Variants in TMED3 observed in about 807,000 individuals in gnomAD.
TMED3 encodes the protein transmembrane emp24 domain-containing protein 3.
A neutral mutation model predicts 15.0 loss-of-function variants in TMED3; 9 were observed. The ratio of observed to expected loss-of-function variants is 0.60; its 90% CI spans 0.36 to 1.04. TMED3 has a LOEUF of 1.04. Ranked by LOEUF, TMED3 falls within the 50% of genes least tolerant of loss-of-function variation. The pLI is 0.01. For missense variants in TMED3, 267 were observed against 278.9 expected, an observed-to-expected ratio of 0.96 and a Z score of 0.30; for synonymous variants, 117 against 121.4, an observed-to-expected ratio of 0.96 and a Z score of 0.24.
At chr15:79,377,047 G>C (rs1199399766) in intron 2 of TMED3, among the ~76,000 whole-genome samples, 1 of 152,204 alleles carries the variant, frequency 6.6e-6, no homozygotes, top group Non-Finnish European at 1.5e-5. Context: ...GGAAGAACTA[G>C]AGGGATACCA....
At chr15:79,370,256 ATTTTT>A (rs398028085) in intron 2 of TMED3, among the ~76,000 whole-genome samples, 2 of 104,950 alleles carry the variant, frequency 1.9e-5, no homozygotes, top group Non-Finnish European at 3.6e-5. Flanking sequence ...TGCCCAGCTA[ATTTTT>A]TTTTTTTTTT....
chr15:79,376,176 C>G (rs1010888278), intron 2 of TMED3, among the ~76,000 whole-genome samples: 15 of 146,310 alleles, frequency 1.0e-4, no homozygotes, highest in Non-Finnish European at 1.5e-4. Flanking sequence ...GTGGCGCGAT[C>G]TCGGCTCACT....
intron 2 of TMED3, among the ~76,000 whole-genome samples, chr15:79,341,754 G>A (rs547583796): frequency 6.6e-6 from 1 of 152,350 alleles, no homozygotes; most frequent in African/African-American, 2.4e-5. Context: ...CAAAAGGAAG[G>A]ACCGCATGAT....
At chr15:79,412,975 T>A (rs1388868254) in exon 3 of TMED3, 1 of 152,112 alleles carries the variant, frequency 6.6e-6, no homozygotes, top group Admixed American at 6.5e-5. Flanking sequence ...TCCCTGAAAT[T>A]TTCCAGAAAT....
chr15:79,338,167 G>T (rs1047653040), intron 2 of TMED3, among the ~76,000 whole-genome samples: 1 of 152,234 alleles, frequency 6.6e-6, no homozygotes, highest in African/African-American at 2.4e-5. Context: ...AACACAGATT[G>T]TAAAGAAAAG....
chr15:79,319,736 T>C (rs2058756407), intron 2 of TMED3, among the ~76,000 whole-genome samples: 1 of 152,090 alleles, frequency 6.6e-6, no homozygotes, highest in Non-Finnish European at 1.5e-5. Context: ...CTCCAATGAT[T>C]GGTAAGGTCA....
rs567525388 is a variant in TMED3 at position 79,311,552 on chromosome 15, G to A, written c.168+135G>A. The A allele has an allele frequency of 6.8e-5, 74 of 1,095,628 alleles. 2 individuals carry two copies. The South Asian group carries it at 1.2e-3, about 18-fold the overall frequency. 67.9% of individuals were successfully genotyped at this position (1,095,628 alleles called of 1,614,324 possible). ...AGGCTGCATGGGGTGGGAGTCCCCG[G>A]AGACCAGTTGACTTCCCCGTGAGGA... is the stretch of plus-strand genomic sequence containing the variant. On this transcript the variant is annotated intron_variant, in intron 1 of 2. Coordinates refer to ENST00000299705, the MANE Select transcript of TMED3 (RefSeq NM_007364.4).
At chr15:79,361,248 G>C (rs1368006057) in intron 2 of TMED3, among the ~76,000 whole-genome samples, 1 of 152,156 alleles carries the variant, frequency 6.6e-6, no homozygotes, top group African/African-American at 2.4e-5. Context: ...AGAAGACTTA[G>C]GTTTCGGTAG....
chr15:79,394,463 G>C (rs1893738041), intron 2 of TMED3, among the ~76,000 whole-genome samples: 1 of 152,208 alleles, frequency 6.6e-6, no homozygotes, highest in African/African-American at 2.4e-5. Context: ...GGGGAGGGAA[G>C]TTTGCAAACA....
chr15:79,405,026 A>G (rs911134492), intron 2 of TMED3, among the ~76,000 whole-genome samples: 2 of 152,202 alleles, frequency 1.3e-5, no homozygotes, highest in Non-Finnish European at 2.9e-5. Context: ...TGGGCTTCCC[A>G]TGGAGGCCAC....
At chr15:79,406,371 G>C (rs1475349801) in intron 2 of TMED3, among the ~76,000 whole-genome samples, 1 of 152,204 alleles carries the variant, frequency 6.6e-6, no homozygotes, top group Non-Finnish European at 1.5e-5. Context: ...AATAACTAGA[G>C]GGTAGGTCTG....
In TMED3 at chr15:79,311,394, G is replaced by T. The variant is rs776961259; in HGVS notation, c.145G>T (p.Val49Leu). The change falls in exon 1 of 3, where the codon GTG (valine) becomes TTG (leucine). Residue 49 changes from valine (V) to leucine (L), a missense_variant. Val to Leu is a conservative substitution (Grantham distance 32). Transcript: ENST00000299705. ...CTTCCACGAGGAGGTGGAGCAGGGC[G>T]TGAAGTTCTCCCTGGATTACCAGGT... ...QCFHEEVEQG[V>L]KFSLDYQVIT... 9.3e-6 allele frequency: 15 copies of T among 1,611,344 alleles called. No homozygotes were observed. In the East Asian group the frequency reaches 2.0e-4, roughly 22 times the overall value.
intron 2 of TMED3, among the ~76,000 whole-genome samples, chr15:79,396,075 TC>T (rs1421494138): frequency 7.2e-5 from 11 of 152,228 alleles, no homozygotes; most frequent in South Asian, 4.1e-4. Flanking sequence ...ATGTTTAACA[TC>T]TTTTTTATTG....
At chr15:79,380,598 T>TAGAG (rs1255745376) in intron 2 of TMED3, among the ~76,000 whole-genome samples, 483 of 146,326 alleles carry the variant, frequency 3.3e-3, no homozygotes, top group African/African-American at 0.012. Flanking sequence ...TATATATATA[T>TAGAG]ATAGAGAGAG....
intron 2 of TMED3, among the ~76,000 whole-genome samples, chr15:79,330,014 G>C (rs6495393): frequency 0.18 from 27,399 of 152,120 alleles, 2,457 homozygotes; most frequent in Admixed American, 0.24. Context: ...ATGCCCGGTG[G>C]TCATTCCCCA....
chr15:79,399,754 T>G (rs966664313), intron 2 of TMED3, among the ~76,000 whole-genome samples: 1 of 152,218 alleles, frequency 6.6e-6, no homozygotes, highest in Non-Finnish European at 1.5e-5. Context: ...AAATGGGCTC[T>G]GGAAAGGCTA....
intron 2 of TMED3, among the ~76,000 whole-genome samples, chr15:79,374,137 T>C (rs1337386654): frequency 6.6e-6 from 1 of 152,220 alleles, no homozygotes; most frequent in Non-Finnish European, 1.5e-5. Flanking sequence ...CCTGTAACGT[T>C]GCAGGGCTAT....
At chr15:79,342,022 A>C (rs1356600651) in intron 2 of TMED3, among the ~76,000 whole-genome samples, 1 of 152,218 alleles carries the variant, frequency 6.6e-6, no homozygotes, top group African/African-American at 2.4e-5. Flanking sequence ...ACACATAAAA[A>C]CACATTAAAG....
chr15:79,323,548 A>G (rs1036518507), downstream of TMED3, among the ~76,000 whole-genome samples: 4 of 152,198 alleles, frequency 2.6e-5, no homozygotes, highest in Non-Finnish European at 4.4e-5. Flanking sequence ...AAAGTGAAAA[A>G]CAATACAAAA....
Sources: gnomAD v4.1 joint callset for allele counts (sites outside exome capture counted in the v4.1 genomes callset) on GRCh38, gnomAD v4.1.1 for gene constraint, MANE v1.5 for transcripts, NCBI Gene and HGNC (gene_info 2026-07-23, HGNC 2026-07-21) for gene names.